The following OPCML variants were observed in gnomAD, a reference collection of about 807,000 sequenced individuals.
OPCML encodes the protein opioid binding protein/cell adhesion molecule like.
In OPCML, 13 loss-of-function variants were observed where a neutral mutation model predicts 37.8. The ratio of observed to expected loss-of-function variants is 0.34; its 90% CI spans 0.22 to 0.55. The LOEUF (loss-of-function observed/expected upper bound fraction) is 0.55, where lower values mean the gene tolerates loss of function less well. OPCML is among the 20% of genes least tolerant of loss of function. The probability of loss-of-function intolerance (pLI) is 0.91; values close to 1 mark genes in which losing one functional copy is unlikely to be tolerated. For missense variants in OPCML, 341 were observed against 435.6 expected (o/e 0.78, Z 1.93); for synonymous variants, 176 against 168.8 (o/e 1.04, Z -0.33).
intron 1 of OPCML, among the ~76,000 whole-genome samples, chr11:133,028,546 T>A (rs1370079054): frequency 6.7e-6 from 1 of 148,960 alleles, no homozygotes; most frequent in Non-Finnish European, 1.5e-5. Flanking sequence ...TGTGTGTGTG[T>A]GTGTGTGTAC....
intron 3 of OPCML, among the ~76,000 whole-genome samples, chr11:132,624,986 T>C (rs1423962971): frequency 6.6e-6 from 1 of 152,110 alleles, no homozygotes. Context: ...CCCCAGCCAG[T>C]TGCCAAAACC....
chr11:132,547,422 T>C (rs146857863), intron 3 of OPCML, among the ~76,000 whole-genome samples: 1 of 152,230 alleles, frequency 6.6e-6, no homozygotes, highest in Non-Finnish European at 1.5e-5. Flanking sequence ...CTGAAGACCG[T>C]TGGTGGAGCT....
rs551152181 is a variant in OPCML at position 133,206,712 on chromosome 11, T to A, written c.62-263702A>T. Among the ~76,000 whole-genome samples, 4 of 152,338 alleles carry A rather than the reference T, an allele frequency of 2.6e-5. No homozygotes were observed. The highest frequency in any genetic ancestry group is 2.6e-4 in the Admixed American group (4 of 15,308). ...TTCTATCTGTGTATCCTGGTGTGCTTGTTTACCAGCTGTGACCCACTGGTC... is the reference window on the plus strand; with the variant it reads ...TTCTATCTGTGTATCCTGGTGTGCTAGTTTACCAGCTGTGACCCACTGGTC... On this transcript the variant is annotated intron_variant, in intron 1 of 7. Coordinates refer to ENST00000524381, the MANE Select transcript of OPCML (RefSeq NM_001012393.5). This position sits in a 1 kb window ranked among gnomAD's most constrained non-coding sequence, Gnocchi z 4.7.
chr11:133,402,644 G>A (rs778719708), intron 1 of OPCML, among the ~76,000 whole-genome samples: 1 of 152,068 alleles, frequency 6.6e-6, no homozygotes, highest in Non-Finnish European at 1.5e-5. Context: ...CAATCTCCTG[G>A]GTCGAACAAT....
At chr11:132,893,904 G>A (rs1389355293) in intron 2 of OPCML, among the ~76,000 whole-genome samples, 1 of 152,126 alleles carries the variant, frequency 6.6e-6, no homozygotes, top group Non-Finnish European at 1.5e-5. Context: ...CTGCATACTT[G>A]TTTCTTGGTC....
chr11:133,496,257 A>G (rs1805246155), intron 1 of OPCML, among the ~76,000 whole-genome samples: 1 of 152,172 alleles, frequency 6.6e-6, no homozygotes, highest in African/African-American at 2.4e-5. Context: ...CCATTGGTCT[A>G]TGTGCCTATT....
chr11:133,160,830 A>G (rs1045565968), intron 1 of OPCML, among the ~76,000 whole-genome samples: 14 of 152,174 alleles, frequency 9.2e-5, no homozygotes, highest in African/African-American at 3.4e-4. Context: ...TTCATCCTGG[A>G]GAGGCTTGGA....
chr11:133,213,899 ACTAT>A (rs1335867029), intron 1 of OPCML, among the ~76,000 whole-genome samples: 1 of 152,196 alleles, frequency 6.6e-6, no homozygotes, highest in Non-Finnish European at 1.5e-5. Flanking sequence ...GTAGCGTGTC[ACTAT>A]AATGTGATAA....
chr11:132,498,162 T>C (rs1487755458), intron 4 of OPCML, among the ~76,000 whole-genome samples: 3 of 152,304 alleles, frequency 2.0e-5, no homozygotes, highest in Non-Finnish European at 4.4e-5. Flanking sequence ...TAATTCCGTT[T>C]CAAATCAAAA....
chr11:132,530,733 C>T (rs76655654), intron 3 of OPCML, among the ~76,000 whole-genome samples: 148 of 152,152 alleles, frequency 9.7e-4, no homozygotes, highest in Middle Eastern at 3.4e-3. Flanking sequence ...TCTCTGGAGT[C>T]GAACCCCCAA....
At chr11:133,061,339 C>A (rs1203846779) in intron 1 of OPCML, among the ~76,000 whole-genome samples, 1 of 152,202 alleles carries the variant, frequency 6.6e-6, no homozygotes. Flanking sequence ...GTCTGCAAAG[C>A]CTGCAGTCAC....
chr11:133,276,465 T>C (rs1402564755), intron 1 of OPCML, among the ~76,000 whole-genome samples: 2 of 152,106 alleles, frequency 1.3e-5, no homozygotes, highest in South Asian at 2.1e-4. Flanking sequence ...ATGCACACAA[T>C]GCAGGAGGGA....
rs1288330613 is a variant in OPCML at position 133,140,208 on chromosome 11, A to AATAATAATAATC, written c.62-197199_62-197198insGATTATTATTAT. Among the ~76,000 whole-genome samples the AATAATAATAATC allele has an allele frequency of 3.6e-5, 5 of 140,116 alleles. No individual in the cohort carries two copies. The East Asian group carries it at 8.3e-4, about 23-fold the overall frequency. 91.9% of individuals were successfully genotyped at this position (140,116 alleles called of 152,430 possible). On this transcript the variant is annotated intron_variant, in intron 1 of 7. Coordinates refer to ENST00000524381, the MANE Select transcript of OPCML (RefSeq NM_001012393.5). ...TCTCAATAATAATAATAATAATAAT[A>AATAATAATAATC]ATAATAATAATAATACTGATAGGCT...
At position 132,420,443 on chromosome 11, in the gene OPCML, G is replaced by T. The variant is rs183129396; in HGVS notation, c.917-150C>A. 1,789 of 1,399,606 alleles carry T rather than the reference G, an allele frequency of 1.3e-3. 2 individuals are homozygous for T. The highest frequency in any genetic ancestry group is 1.5e-3 in the Non-Finnish European group (1,646 of 1,073,510). The allele number at this position is 1,399,606 out of a possible 1,614,324, so 86.7% of individuals were successfully genotyped here. A position where few individuals can be genotyped will look rare whatever the true frequency, so the allele number is the denominator to read the frequency against. On this transcript the variant is annotated intron_variant, in intron 7 of 7. Coordinates refer to ENST00000524381, the MANE Select transcript of OPCML (RefSeq NM_001012393.5). ...AAACAAAGGAAAAAGCCCATTGGGA[G>T]TATTTAGGAACTCAAAGGGGCAAGC... is the stretch of plus-strand genomic sequence containing the variant.
intron 1 of OPCML, among the ~76,000 whole-genome samples, chr11:133,510,419 C>T (rs1450733807): frequency 2.0e-5 from 3 of 152,158 alleles, no homozygotes; most frequent in East Asian, 1.9e-4. Flanking sequence ...CACCCCAAGC[C>T]TTCTCATTTG....
At chr11:132,895,019 G>A (rs536383670) in intron 2 of OPCML, among the ~76,000 whole-genome samples, 200 of 152,272 alleles carry the variant, frequency 1.3e-3, no homozygotes, top group African/African-American at 4.6e-3. Flanking sequence ...GAAGAACACT[G>A]ACTAGTGCAG....
At chr11:133,414,265 C>T (rs1037059270) in intron 1 of OPCML, among the ~76,000 whole-genome samples, 3 of 152,002 alleles carry the variant, frequency 2.0e-5, no homozygotes, top group South Asian at 2.1e-4. Flanking sequence ...CATGTATATA[C>T]GTGGTTTTCA....
intron 3 of OPCML, among the ~76,000 whole-genome samples, chr11:132,552,955 G>A (rs974978198): frequency 1.2e-4 from 18 of 151,640 alleles, no homozygotes; most frequent in Admixed American, 2.6e-4. Flanking sequence ...TAGTAGATAC[G>A]GTGTTTCACA....
intron 1 of OPCML, among the ~76,000 whole-genome samples, chr11:133,374,601 C>T (rs1049603437): frequency 1.3e-5 from 2 of 152,194 alleles, no homozygotes; most frequent in Non-Finnish European, 2.9e-5. Flanking sequence ...AATAGCTTCT[C>T]ATATTAGGTT....
Sources: allele counts gnomAD v4.1 joint callset (sites outside exome capture counted in the v4.1 genomes callset), GRCh38; gene constraint gnomAD v4.1.1; non-coding constraint Gnocchi (gnomAD v3.1); transcripts MANE v1.5; gene names NCBI Gene and HGNC (gene_info 2026-07-23, HGNC 2026-07-21).